Variants in TBC1D30 observed in about 807,000 individuals in gnomAD.
TBC1D30 encodes TBC1 domain family member 30.
Under a neutral mutation model 63.2 loss-of-function variants are expected in TBC1D30, and 31 were observed. The observed-to-expected ratio is 0.49, with a 90% CI of 0.37 to 0.66. The LOEUF is 0.66. Ranked by LOEUF, TBC1D30 falls within the 30% of genes least tolerant of loss-of-function variation. The pLI is 0.00. For missense variants in TBC1D30, 810 were observed against 953.6 expected, an observed-to-expected ratio of 0.85 and a Z score of 1.98; for synonymous variants, 307 against 361.5, an observed-to-expected ratio of 0.85 and a Z score of 1.71.
chr12:64,867,675 G>GT (rs1344589495), intron 10 of TBC1D30, among the ~76,000 whole-genome samples: 1 of 152,076 alleles, frequency 6.6e-6, no homozygotes, highest in Non-Finnish European at 1.5e-5. Flanking sequence ...CTCCATCTGA[G>GT]TTTAATTTAT....
chr12:64,777,522 A>G (rs1279570219), upstream of TBC1D30, among the ~76,000 whole-genome samples: 1 of 152,218 alleles, frequency 6.6e-6, no homozygotes, highest in Non-Finnish European at 1.5e-5. Context: ...CCACAAAAAA[A>G]TACAATACCC....
At chr12:64,773,106 A>G (rs1161134378) in intron 1 of TBC1D30, among the ~76,000 whole-genome samples, 2 of 152,252 alleles carry the variant, frequency 1.3e-5, no homozygotes, top group African/African-American at 4.8e-5. Flanking sequence ...TTGGGGCTGC[A>G]TCTTTGCTGT....
chr12:64,820,525 C>T (rs190860393), upstream of TBC1D30, among the ~76,000 whole-genome samples: 4 of 152,290 alleles, frequency 2.6e-5, no homozygotes, highest in African/African-American at 7.2e-5. Context: ...TTCATTAAGC[C>T]TTCCTTCCCC....
chr12:64,782,206 A>T (rs2136291110), intron 1 of TBC1D30, among the ~76,000 whole-genome samples: 1 of 151,706 alleles, frequency 6.6e-6, no homozygotes, highest in Middle Eastern at 3.4e-3. Flanking sequence ...ACAGATGCCG[A>T]GCCACCATAA....
At position 64,832,217 on chromosome 12, in the gene TBC1D30, C is replaced by A. The variant is rs1874932777; in HGVS notation, c.507C>A (p.Asn169Lys). Reference protein sequence around the residue: ...KRVLLAYARWNKTVGYCQGFN... With the variant: ...KRVLLAYARWKKTVGYCQGFN... The stretch of plus-strand genomic sequence containing the variant: ...TGCTGCTGGCCTATGCCCGATGGAA[C>A]AAAACTGTTGGGTACTGCCAAGGCT... The change falls in exon 5 of 12, where the codon AAC becomes AAA. Residue 169 changes from asparagine (N) to lysine (K), a missense_variant. Around this residue, in one of 4 missense-constraint regions of TBC1D30, gnomAD observed 272 missense variants for 335.9 expected, o/e 0.81. Coordinates refer to ENST00000539867, the MANE Select transcript of TBC1D30 (RefSeq NM_015279.2). The A allele has an allele frequency of 2.0e-6, 3 of 1,535,958 alleles. No individual in the cohort carries two copies. The highest frequency in any genetic ancestry group is 2.4e-5 in the South Asian group (2 of 84,064).
At chr12:64,765,809 G>A (rs562510916) in intron 1 of TBC1D30, among the ~76,000 whole-genome samples, 2 of 131,434 alleles carry the variant, frequency 1.5e-5, no homozygotes, top group East Asian at 2.2e-4. Context: ...CAGCCTGGGC[G>A]ACTTGACAAA....
chr12:64,776,373 C>T (rs532049195), upstream of TBC1D30, among the ~76,000 whole-genome samples: 7 of 151,514 alleles, frequency 4.6e-5, no homozygotes, highest in African/African-American at 1.2e-4. Flanking sequence ...GGTAGACTAA[C>T]GAAGAAAACA....
intron 11 of TBC1D30, among the ~76,000 whole-genome samples, chr12:64,871,041 G>A (rs1878618550): frequency 6.6e-6 from 1 of 152,178 alleles, no homozygotes; most frequent in African/African-American, 2.4e-5. Context: ...GCAGTTGATG[G>A]TATTAAACAC....
At chr12:64,770,870 A>T (rs1162303630) in intron 1 of TBC1D30, among the ~76,000 whole-genome samples, 1 of 138,198 alleles carries the variant, frequency 7.2e-6, no homozygotes, top group Non-Finnish European at 1.6e-5. Flanking sequence ...CACCCAGCTA[A>T]TTTTTTTTTT....
chr12:64,842,800 G>T (rs1180143922), intron 7 of TBC1D30, among the ~76,000 whole-genome samples: 4 of 152,184 alleles, frequency 2.6e-5, no homozygotes, highest in African/African-American at 9.7e-5. Flanking sequence ...CTGATGTGTA[G>T]ATTGTGTCCC....
intron 2 of TBC1D30, among the ~76,000 whole-genome samples, chr12:64,804,829 G>C (rs1872771853): frequency 6.6e-6 from 1 of 152,114 alleles, no homozygotes; most frequent in Admixed American, 6.5e-5. Context: ...GGTATACGGG[G>C]CTCAACCCTC....
Position 64,878,317 on chromosome 12 carries a change from A to G in TBC1D30, c.*2529A>G, listed in dbSNP as rs1222193497. 3 of 382,922 alleles carry G rather than the reference A, an allele frequency of 7.8e-6. No homozygotes were observed. The highest frequency in any genetic ancestry group is 6.3e-5 in the African/African-American group (3 of 47,590). 23.7% of individuals were successfully genotyped at this position (382,922 alleles called of 1,614,324 possible). ...AGCCTCTACCACACAGCATGTACAA[A>G]GACCAGTATGGACTTGCTATCTTCC... On this transcript the variant is annotated 3_prime_UTR_variant, in exon 12 of 12. Transcript: ENST00000539867.
At chr12:64,819,368 C>T (rs1000753174) in intron 2 of TBC1D30, among the ~76,000 whole-genome samples, 2 of 142,800 alleles carry the variant, frequency 1.4e-5, no homozygotes, top group East Asian at 4.2e-4. Flanking sequence ...TGCTCATAGT[C>T]TGTGGACTCT....
Position 64,781,524 on chromosome 12 carries a change from C to T in TBC1D30, c.478+238C>T, listed in dbSNP as rs79783318. Reference sequence around the variant, plus strand: ...GGAGTGGGCAGTTTCCCCGCTCTTCCCTCCTCCCATCTCCCGGTGTGTTCG... The same window carrying T: ...GGAGTGGGCAGTTTCCCCGCTCTTCTCTCCTCCCATCTCCCGGTGTGTTCG... On this transcript the variant is annotated intron_variant, in intron 1 of 12. Coordinates refer to the TBC1D30 transcript ENST00000542120. Among the ~76,000 whole-genome samples the T allele has an allele frequency of 6.0e-3, 913 of 152,246 alleles. 12 individuals carry two copies. The highest frequency in any genetic ancestry group is 0.021 in the African/African-American group (877 of 41,554).
intron 10 of TBC1D30, chr12:64,868,215 A>G (rs577248074): frequency 6.4e-6 from 1 of 155,552 alleles, no homozygotes; most frequent in African/African-American, 2.4e-5. Context: ...CTTCTTTTCG[A>G]TTTTGCTATA....
rs536381369 is a variant in TBC1D30, at chr12:64,773,541, A to G, written c.-375-12340A>G. ...ATCCCCTTCCTTTTGACTGGGTGAGATCTCCCAACTGGGGTCTTCAGCCAC... is the reference window on the plus strand; with the variant it reads ...ATCCCCTTCCTTTTGACTGGGTGAGGTCTCCCAACTGGGGTCTTCAGCCAC... On this transcript the variant is annotated intron_variant, in intron 1 of 13. Coordinates refer to the TBC1D30 transcript ENST00000674237. Among the ~76,000 whole-genome samples, 23 of 152,238 alleles carry G rather than the reference A, an allele frequency of 1.5e-4. No homozygotes were observed. In the Middle Eastern group the frequency reaches 0.014, roughly 90 times the overall value.
chr12:64,796,693 A>G (rs936775565), intron 2 of TBC1D30, among the ~76,000 whole-genome samples: 12 of 152,068 alleles, frequency 7.9e-5, no homozygotes, highest in African/African-American at 2.9e-4. Flanking sequence ...TTTACATTAA[A>G]CCATTTTTTA....
intron 11 of TBC1D30, among the ~76,000 whole-genome samples, chr12:64,871,949 G>A (rs1172031580): frequency 6.6e-6 from 1 of 152,216 alleles, no homozygotes; most frequent in African/African-American, 2.4e-5. Flanking sequence ...CCAGTGGTTT[G>A]TACCTTCATC....
intron 8 of TBC1D30, among the ~76,000 whole-genome samples, chr12:64,850,813 C>T: frequency 6.6e-6 from 1 of 152,290 alleles, no homozygotes; most frequent in East Asian, 1.9e-4. Flanking sequence ...AGGAGTCCCT[C>T]TTTTTCTATT....
Sources: gnomAD v4.1 joint callset for allele counts (sites outside exome capture counted in the v4.1 genomes callset) on GRCh38, gnomAD v4.1.1 for gene constraint, gnomAD v4.1.1 regional missense constraint, MANE v1.5 for transcripts, NCBI Gene and HGNC (gene_info 2026-07-23, HGNC 2026-07-21) for gene names.